Variants in ARPP21 observed in about 807,000 individuals in gnomAD.
The protein encoded by ARPP21 is cAMP-regulated phosphoprotein 21.
ARPP21 carries 69 observed loss-of-function variants against 113.2 expected under a neutral mutation model. The observed-to-expected ratio is 0.61, with a 90% CI of 0.50 to 0.74. ARPP21 has a LOEUF of 0.74. Ranked by LOEUF, ARPP21 falls within the 30% of genes least tolerant of loss-of-function variation. The pLI is 0.00. For missense variants in ARPP21, 1,070 were observed against 1,037.4 expected (o/e 1.03, Z -0.43); for synonymous variants, 368 against 375.5 (o/e 0.98, Z 0.23).
rs780242883 is a variant in ARPP21, at chr3:35,739,374, G to C, written c.1807G>C (p.Glu603Gln). The change falls in exon 18 of 21, where the codon GAG becomes CAG. Residue 603 changes from glutamate to glutamine, a missense_variant. Transcript: ENST00000684406. ...QMTLSRQSSG[E>Q]TPEPPSGPVY... The stretch of plus-strand genomic sequence containing the variant: ...GACCCTGAGCCGGCAGTCCTCGGGG[G>C]AGACTCCTGAACCCCCATCAGGTCC... 1 of 1,614,112 alleles carries C rather than the reference G, an allele frequency of 6.2e-7. No homozygotes were observed. The highest frequency in any genetic ancestry group is 8.5e-7 in the Non-Finnish European group (1 of 1,180,022).
Position 35,667,839 on chromosome 3 carries a change from TCAAAGAAGAAGA to T in ARPP21, c.-212-11947_-212-11936del, listed in dbSNP as rs767404908. Among the ~76,000 whole-genome samples the T allele has an allele frequency of 8.8e-3, 426 of 48,422 alleles. 18 individuals are homozygous for T. The highest frequency in any genetic ancestry group is 0.028 in the African/African-American group (392 of 13,916). 31.8% of individuals were successfully genotyped at this position (48,422 alleles called of 152,430 possible). ...AAGATCACCTGCAGTACTTTTATTC[TCAAAGAAGAAGA>T]AGAAGAAGAAGAAGAAGAAGAAGAA... On this transcript the variant is annotated intron_variant, in intron 1 of 20. Transcript: ENST00000684406.
chr3:35,666,718 A>G (rs2074450986), intron 1 of ARPP21, among the ~76,000 whole-genome samples: 1 of 152,172 alleles, frequency 6.6e-6, no homozygotes, highest in South Asian at 2.1e-4. Context: ...TTAAATGGGT[A>G]ATTATATTTC....
intron 19 of ARPP21, among the ~76,000 whole-genome samples, chr3:35,760,156 A>G (rs1328106587): frequency 6.6e-6 from 1 of 152,128 alleles, no homozygotes; most frequent in African/African-American, 2.4e-5. Flanking sequence ...CACTAAAAAG[A>G]CATCCAAAAG....
intron 19 of ARPP21, among the ~76,000 whole-genome samples, chr3:35,755,462 G>A (rs2095539679): frequency 6.6e-6 from 1 of 151,912 alleles, no homozygotes; most frequent in Non-Finnish European, 1.5e-5. Context: ...TGCTGCTCAT[G>A]TTATGTTTTA....
intron 1 of ARPP21, among the ~76,000 whole-genome samples, chr3:35,653,095 T>C (rs1409213422): frequency 1.3e-5 from 2 of 152,082 alleles, no homozygotes; most frequent in African/African-American, 4.8e-5. Flanking sequence ...TTCAAATAAA[T>C]AATTTGTTTT....
chr3:35,649,768 C>A (rs1435306390), intron 1 of ARPP21, among the ~76,000 whole-genome samples: 1 of 152,096 alleles, frequency 6.6e-6, no homozygotes, highest in Non-Finnish European at 1.5e-5. Context: ...AAGCTCTTCT[C>A]TTCCTGCTAC....
intron 19 of ARPP21, among the ~76,000 whole-genome samples, chr3:35,770,526 A>G (rs563405771): frequency 2.0e-5 from 3 of 152,318 alleles, no homozygotes. Flanking sequence ...GTAGTCAAAC[A>G]GTTGCTGCCA....
At chr3:35,714,355 T>A (rs2092001613) in intron 11 of ARPP21, among the ~76,000 whole-genome samples, 1 of 152,210 alleles carries the variant, frequency 6.6e-6, no homozygotes, top group Non-Finnish European at 1.5e-5. Flanking sequence ...GAAACCAATA[T>A]TCTGCCTGCC....
At chr3:35,762,377 A>G (rs2095815254) in intron 19 of ARPP21, among the ~76,000 whole-genome samples, 1 of 152,034 alleles carries the variant, frequency 6.6e-6, no homozygotes. Context: ...GTTTTTGCTT[A>G]TTTGCTTTCT....
At chr3:35,660,948 A>G (rs1707504024) in intron 1 of ARPP21, among the ~76,000 whole-genome samples, 1 of 152,216 alleles carries the variant, frequency 6.6e-6, no homozygotes, top group Non-Finnish European at 1.5e-5. Flanking sequence ...TGTAGTTGGA[A>G]AGCTAAATTG....
At chr3:35,774,250 A>G (rs746899919) in intron 19 of ARPP21, among the ~76,000 whole-genome samples, 18 of 152,202 alleles carry the variant, frequency 1.2e-4, no homozygotes, top group Non-Finnish European at 4.4e-5. Flanking sequence ...GGCCCTTATA[A>G]GAAAATTTCC....
chr3:35,789,644 A>G (rs2151885744), intron 19 of ARPP21, among the ~76,000 whole-genome samples: 1 of 152,294 alleles, frequency 6.6e-6, no homozygotes, highest in Non-Finnish European at 1.5e-5. Context: ...TTCACAAATC[A>G]TTAGGCAGAG....
intron 14 of ARPP21, among the ~76,000 whole-genome samples, chr3:35,723,131 G>A (rs947548616): frequency 2.6e-5 from 4 of 152,098 alleles, no homozygotes; most frequent in African/African-American, 7.2e-5. Flanking sequence ...GGAGGCCAAG[G>A]CAGGAGTGGG....
chr3:35,769,601 C>A (rs1250495673), intron 19 of ARPP21, among the ~76,000 whole-genome samples: 1 of 152,126 alleles, frequency 6.6e-6, no homozygotes, highest in Non-Finnish European at 1.5e-5. Flanking sequence ...TGCTGAGATA[C>A]CCTGTGGCTC....
At chr3:35,695,181 C>A (rs972110467) in intron 9 of ARPP21, among the ~76,000 whole-genome samples, 1 of 151,220 alleles carries the variant, frequency 6.6e-6, no homozygotes, top group Non-Finnish European at 1.5e-5. Context: ...GCATCAAGTG[C>A]GGTGAGAAGC....
At chr3:35,759,782 T>C (rs1437098590) in intron 19 of ARPP21, among the ~76,000 whole-genome samples, 1 of 151,922 alleles carries the variant, frequency 6.6e-6, no homozygotes, top group Non-Finnish European at 1.5e-5. Flanking sequence ...ATTGGCAGAT[T>C]TGATTTCTTC....
intron 3 of ARPP21, chr3:35,682,607 C>A (rs575401828): frequency 2.4e-6 from 1 of 412,710 alleles, no homozygotes. Flanking sequence ...TCCTTGTCCC[C>A]TTTCCAATAG....
At chr3:35,707,221 C>T (rs2089457243) in intron 10 of ARPP21, 139 bp downstream of exon 10, 2 of 663,114 alleles carry the variant, frequency 3.0e-6, no homozygotes, top group Admixed American at 2.5e-5. Flanking sequence ...TCTCCAACCT[C>T]CTTCTCCTCC....
At chr3:35,649,322 T>C (rs951197112) in intron 1 of ARPP21, among the ~76,000 whole-genome samples, 2 of 152,182 alleles carry the variant, frequency 1.3e-5, no homozygotes, top group African/African-American at 4.8e-5. Context: ...TCTTACAAAA[T>C]AGTTTCTTCC....
Sources: allele counts gnomAD v4.1 joint callset (sites outside exome capture counted in the v4.1 genomes callset), GRCh38; gene constraint gnomAD v4.1.1; transcripts MANE v1.5; gene names NCBI Gene and HGNC (gene_info 2026-07-23, HGNC 2026-07-21).